HCN1: variants seen among roughly 807,000 people sequenced by gnomAD.
The protein encoded by HCN1 is potassium/sodium hyperpolarization-activated cyclic nucleotide-gated channel 1.
In HCN1, 13 loss-of-function variants were observed where a neutral mutation model predicts 78.9. That is an observed-to-expected ratio of 0.16 (90% CI 0.11 to 0.26). The LOEUF is 0.26. Among genes scored for constraint, HCN1 ranks in the 10% least tolerant of loss-of-function variants. The pLI is 1.00. For synonymous variants in HCN1, 552 were observed against 455.5 expected (o/e 1.21, Z -2.70); for missense variants, 810 against 1,154.3 (o/e 0.70, Z 4.32).
intron 5 of HCN1, among the ~76,000 whole-genome samples, chr5:45,306,285 A>G (rs1447152519): frequency 6.6e-6 from 1 of 152,066 alleles, no homozygotes; most frequent in Non-Finnish European, 1.5e-5. Context: ...CACTTCATGG[A>G]TCTCTCATTT....
chr5:45,509,803 T>C (rs974779519), intron 2 of HCN1, among the ~76,000 whole-genome samples: 1 of 152,156 alleles, frequency 6.6e-6, no homozygotes, highest in African/African-American at 2.4e-5. Context: ...ATACATTTTG[T>C]TGTGGAACAA....
chr5:45,425,172 C>A (rs1740320298), intron 3 of HCN1, among the ~76,000 whole-genome samples: 1 of 152,176 alleles, frequency 6.6e-6, no homozygotes, highest in Non-Finnish European at 1.5e-5. Context: ...AATATAAAAT[C>A]AACAGCATAA....
chr5:45,275,965 AGC>A (rs1745049113), intron 6 of HCN1, among the ~76,000 whole-genome samples: 1 of 152,172 alleles, frequency 6.6e-6, no homozygotes, highest in South Asian at 2.1e-4. Context: ...TTTAAAATGC[AGC>A]CAGCTTTTAA....
At chr5:45,359,959 A>ATATATT (rs1025582421) in intron 4 of HCN1, among the ~76,000 whole-genome samples, 20 of 149,432 alleles carry the variant, frequency 1.3e-4, no homozygotes, top group African/African-American at 4.9e-4. Context: ...ATATATATAT[A>ATATATT]TTTTTTTTAC....
At chr5:45,599,685 GA>G (rs1307836343) in intron 2 of HCN1, among the ~76,000 whole-genome samples, 1 of 151,966 alleles carries the variant, frequency 6.6e-6, no homozygotes, top group Admixed American at 6.6e-5. Flanking sequence ...AATAATAGTC[GA>G]GTTGCTTTTT....
In HCN1 at chr5:45,321,626, T is replaced by A. The variant is rs1278156574; in HGVS notation, c.1378-17787A>T. On this transcript the variant is annotated intron_variant, in intron 5 of 7. Coordinates refer to ENST00000303230, the MANE Select transcript of HCN1 (RefSeq NM_021072.4). ...ATTTTGCCCATTGGAGACTAATACCTATTTTTTTTGCTTAAATGTATTTCT... is the reference window on the plus strand; with the variant it reads ...ATTTTGCCCATTGGAGACTAATACCAATTTTTTTTGCTTAAATGTATTTCT... 2.0e-5 allele frequency among the ~76,000 whole-genome samples: 3 copies of A among 150,224 alleles called. No individual in the cohort carries two copies. In the East Asian group the frequency reaches 5.8e-4, roughly 29 times the overall value.
rs756314421 is a variant in HCN1, at chr5:45,288,859, T to G, written c.1618+14740A>C. ...AAAACCTGGGCATAGAATAAAAAGCTTCTGTTATTAGCACAGGGGGAAGGC... is the reference window on the plus strand; with the variant it reads ...AAAACCTGGGCATAGAATAAAAAGCGTCTGTTATTAGCACAGGGGGAAGGC... On this transcript the variant is annotated intron_variant, in intron 6 of 7. Coordinates refer to ENST00000303230, the MANE Select transcript of HCN1 (RefSeq NM_021072.4). Among the ~76,000 whole-genome samples the G allele has an allele frequency of 1.8e-4, 27 of 151,934 alleles. 1 individual carries two copies. The highest frequency in any genetic ancestry group is 1.2e-3 in the Admixed American group (18 of 15,206).
chr5:45,346,007 C>A (rs1468008585), intron 5 of HCN1, among the ~76,000 whole-genome samples: 1 of 152,188 alleles, frequency 6.6e-6, no homozygotes, highest in Non-Finnish European at 1.5e-5. Flanking sequence ...AAGAAACTTA[C>A]AAGCATGGCA....
At chr5:45,318,945 T>A (rs991797714) in intron 5 of HCN1, among the ~76,000 whole-genome samples, 2 of 152,008 alleles carry the variant, frequency 1.3e-5, no homozygotes, top group African/African-American at 4.8e-5. Context: ...TGAGGTTGCA[T>A]ACTGTGTAGT....
chr5:45,381,801 C>T (rs1380592563), intron 4 of HCN1, among the ~76,000 whole-genome samples: 1 of 151,940 alleles, frequency 6.6e-6, no homozygotes, highest in Non-Finnish European at 1.5e-5. Context: ...CCATTCTTGT[C>T]CTAACTGGAC....
chr5:45,447,276 G>A (rs147146985), intron 3 of HCN1, among the ~76,000 whole-genome samples: 62 of 152,252 alleles, frequency 4.1e-4, no homozygotes, highest in African/African-American at 1.2e-3. Flanking sequence ...GTGCGGCTCT[G>A]TCACTTAGGG....
At chr5:45,500,383 A>C (rs887120408) in intron 2 of HCN1, among the ~76,000 whole-genome samples, 1 of 152,200 alleles carries the variant, frequency 6.6e-6, no homozygotes, top group African/African-American at 2.4e-5. Context: ...AACTAAGTTG[A>C]AATTACAAAA....
intron 2 of HCN1, among the ~76,000 whole-genome samples, chr5:45,615,346 A>G (rs1265518104): frequency 6.6e-6 from 1 of 152,042 alleles, no homozygotes; most frequent in Non-Finnish European, 1.5e-5. Context: ...TTTTACGCAG[A>G]TGGCTATAGG....
chr5:45,592,287 A>C (rs1744381675), intron 2 of HCN1, among the ~76,000 whole-genome samples: 1 of 151,634 alleles, frequency 6.6e-6, no homozygotes, highest in Non-Finnish European at 1.5e-5. Context: ...GTTCATAATG[A>C]AAATAAACCA....
intron 6 of HCN1, among the ~76,000 whole-genome samples, chr5:45,275,794 A>G (rs1745045986): frequency 6.6e-6 from 1 of 152,154 alleles, no homozygotes; most frequent in African/African-American, 2.4e-5. Flanking sequence ...AACAAAAATA[A>G]CATAAAAATA....
At chr5:45,302,977 G>T (rs1353773963) in intron 6 of HCN1, among the ~76,000 whole-genome samples, 1 of 151,970 alleles carries the variant, frequency 6.6e-6, no homozygotes, top group African/African-American at 2.4e-5. Flanking sequence ...CCAGTTTCAG[G>T]TATGTCTTTA....
chr5:45,640,928 C>A (rs898838251), intron 2 of HCN1, among the ~76,000 whole-genome samples: 9 of 149,822 alleles, frequency 6.0e-5, no homozygotes, highest in Non-Finnish European at 1.0e-4. Flanking sequence ...CAGAAAGAAT[C>A]ATTTCCTGCA....
intron 1 of HCN1, among the ~76,000 whole-genome samples, chr5:45,661,271 C>A (rs377119555): frequency 4.1e-5 from 4 of 98,326 alleles, no homozygotes; most frequent in South Asian, 5.7e-4. Context: ...ACAAAGACAC[C>A]ACATACCAGA....
At chr5:45,524,162 G>T (rs1227262591) in intron 2 of HCN1, among the ~76,000 whole-genome samples, 1 of 152,174 alleles carries the variant, frequency 6.6e-6, no homozygotes, top group African/African-American at 2.4e-5. Context: ...TCAAAGATCA[G>T]ATAGTTGTAG....
Sources: allele counts gnomAD v4.1 joint callset (sites outside exome capture counted in the v4.1 genomes callset), GRCh38; gene constraint gnomAD v4.1.1; transcripts MANE v1.5; gene names NCBI Gene and HGNC (gene_info 2026-07-23, HGNC 2026-07-21).